ABCA13: variants seen among roughly 807,000 people sequenced by gnomAD.
ABCA13 encodes the protein ATP binding cassette subfamily A member 13.
Under a neutral mutation model 478.7 loss-of-function variants are expected in ABCA13, and 476 were observed. The ratio of observed to expected loss-of-function variants is 0.99; its 90% CI spans 0.92 to 1.07. ABCA13 has a LOEUF of 1.07. Among genes scored for constraint, ABCA13 ranks in the 50% least tolerant of loss-of-function variants. The pLI is 0.00. For synonymous variants in ABCA13, 2,252 were observed against 2,158.9 expected (o/e 1.04, Z -1.20); for missense variants, 6,060 against 5,910.6 (o/e 1.03, Z -0.83).
At chr7:48,406,611 G>T (rs1167850048) in intron 39 of ABCA13, among the ~76,000 whole-genome samples, 4 of 152,184 alleles carry the variant, frequency 2.6e-5, no homozygotes, top group Non-Finnish European at 4.4e-5. Flanking sequence ...GGTGGCTCAT[G>T]CCTATAATTC....
intron 55 of ABCA13, among the ~76,000 whole-genome samples, chr7:48,549,884 C>A (rs1268776780): frequency 1.3e-5 from 2 of 151,740 alleles, no homozygotes; most frequent in African/African-American, 4.8e-5. Context: ...CTGTTCATAT[C>A]CTTTGCCCAC....
intron 32 of ABCA13, among the ~76,000 whole-genome samples, chr7:48,370,971 G>A (rs964141099): frequency 2.6e-5 from 4 of 152,088 alleles, no homozygotes; most frequent in African/African-American, 4.8e-5. Flanking sequence ...TTTAAGGAAG[G>A]AGTCCAGTTT....
chr7:48,238,313 G>C (rs942856684), intron 8 of ABCA13, among the ~76,000 whole-genome samples: 1 of 152,114 alleles, frequency 6.6e-6, no homozygotes, highest in Non-Finnish European at 1.5e-5. Flanking sequence ...TTTTGGCGGG[G>C]AGGCCACAAG....
chr7:48,186,431 T>C (rs1796359461), intron 1 of ABCA13, among the ~76,000 whole-genome samples: 1 of 152,126 alleles, frequency 6.6e-6, no homozygotes, highest in African/African-American at 2.4e-5. Context: ...TGAGGTGATG[T>C]GTCCTTATTC....
chr7:48,335,609 TGTA>T (rs1806134969), intron 28 of ABCA13, 74 bp downstream of exon 28: 2 of 1,163,536 alleles, frequency 1.7e-6, no homozygotes, highest in Non-Finnish European at 2.5e-6. Flanking sequence ...AGGGCTGCCC[TGTA>T]GAAGATTCTA....
chr7:48,558,090 T>C (rs1170417405), intron 55 of ABCA13, among the ~76,000 whole-genome samples: 1 of 151,900 alleles, frequency 6.6e-6, no homozygotes, highest in Non-Finnish European at 1.5e-5. Context: ...GTTAAGAGGC[T>C]CTGATGCATT....
In ABCA13 at chr7:48,269,140, C is replaced by T. The variant is rs548775962; in HGVS notation, c.2120+46C>T. The T allele has an allele frequency of 4.1e-5, 45 of 1,097,754 alleles. No homozygotes were observed. The South Asian group carries it at 6.0e-4, about 15-fold the overall frequency. The allele number at this position is 1,097,754 out of a possible 1,614,324, so 68.0% of individuals were successfully genotyped here. On this transcript the variant is annotated intron_variant, in intron 16 of 61. Transcript: ENST00000435803. ...TTCTAGGTCTTGATTTAATTATCAT[C>T]TGAAGATAATCAAAACCTAATTATA...
intron 35 of ABCA13, among the ~76,000 whole-genome samples, chr7:48,382,306 C>T (rs1299327888): frequency 6.6e-6 from 1 of 152,170 alleles, no homozygotes; most frequent in South Asian, 2.1e-4. Flanking sequence ...TAGACCATGT[C>T]CCTCCCCTGC....
chr7:48,593,678 A>G (rs1789992944), intron 57 of ABCA13, among the ~76,000 whole-genome samples: 1 of 150,218 alleles, frequency 6.7e-6, no homozygotes, highest in South Asian at 2.1e-4. Context: ...TTTTTTTTTT[A>G]TAAGACAGGT....
chr7:48,510,877 T>G (rs548589438), intron 50 of ABCA13, among the ~76,000 whole-genome samples: 4 of 151,728 alleles, frequency 2.6e-5, no homozygotes, highest in Non-Finnish European at 5.9e-5. Flanking sequence ...CTTGAAATAC[T>G]GGGGGTTCAA....
At chr7:48,626,742 G>T in intron 59 of ABCA13, 1 of 985,618 alleles carries the variant, frequency 1.0e-6, no homozygotes. Context: ...GTGCCTTTGG[G>T]TTTGGGACAT....
chr7:48,410,652 G>T lies in ABCA13; in HGVS notation c.12203G>T (p.Gly4068Val), dbSNP rs1328352441. ...TGCCTGAAGGAGGCATATGGCCAGG[G>T]GCTCCGCCTGACACTCACGAGGCAG... ...PFCLKEAYGQGLRLTLTRQPS... is the reference protein window; with the variant it reads ...PFCLKEAYGQVLRLTLTRQPS... Residue 4068 changes from glycine (G) to valine (V), a missense_variant, in exon 40 of 62, where the codon GGG becomes GTG. Gly to Val is a moderately radical substitution (Grantham distance 109). Coordinates refer to ENST00000435803, the MANE Select transcript of ABCA13 (RefSeq NM_152701.5). 1.9e-6 allele frequency: 3 copies of T among 1,613,842 alleles called. No homozygotes were observed.
intron 1 of ABCA13, among the ~76,000 whole-genome samples, chr7:48,175,789 T>C (rs1794778246): frequency 6.6e-6 from 1 of 152,180 alleles, no homozygotes; most frequent in Non-Finnish European, 1.5e-5. Context: ...TCATTCCTCC[T>C]ATCTAGCTGT....
At chr7:48,391,426 T>C (rs1342292354) in intron 37 of ABCA13, among the ~76,000 whole-genome samples, 1 of 152,236 alleles carries the variant, frequency 6.6e-6, no homozygotes, top group East Asian at 1.9e-4. Context: ...AACCATAGTC[T>C]GAGGACTCAT....
At chr7:48,227,206 T>A in intron 5 of ABCA13, 56 bp from the exon 6 acceptor site, 2 of 1,592,900 alleles carry the variant, frequency 1.3e-6, no homozygotes. Context: ...CTGTCTCATT[T>A]ACTTTATTAA....
rs141590817 is a variant in ABCA13, at chr7:48,570,482, G to C, written c.14355-9742G>C. On this transcript the variant is annotated intron_variant, in intron 55 of 61. Transcript: ENST00000435803. ...TGGGACTACAGGCGCCTGCCACCAC[G>C]CCTGGCCAATTTTTTGTTTTTTAGT... 6.9e-3 allele frequency among the ~76,000 whole-genome samples: 1,051 copies of C among 151,580 alleles called. 13 individuals are homozygous for C. Among genetic ancestry groups the C allele is most frequent in the African/African-American group, 0.024 (1,005 of 41,322 alleles).
chr7:48,310,592 C>G (rs1192671338), intron 24 of ABCA13, among the ~76,000 whole-genome samples: 1 of 152,098 alleles, frequency 6.6e-6, no homozygotes. Context: ...TATCTGTCAG[C>G]GGGAAGCATC....
chr7:48,367,623 C>A (rs1254797630), intron 31 of ABCA13, among the ~76,000 whole-genome samples, 171 bp from the exon 32 acceptor site: 1 of 152,098 alleles, frequency 6.6e-6, no homozygotes, highest in Non-Finnish European at 1.5e-5. Flanking sequence ...ATTTGCATAC[C>A]TACAAAATCA....
At chr7:48,538,100 C>T (rs55856321) in intron 55 of ABCA13, among the ~76,000 whole-genome samples, 17,631 of 113,730 alleles carry the variant, frequency 0.16, 1,607 homozygotes, top group African/African-American at 0.27. Context: ...TCTTTCTTTC[C>T]TTTTTTTTTT....
Sources: allele counts gnomAD v4.1 joint callset (sites outside exome capture counted in the v4.1 genomes callset), GRCh38; gene constraint gnomAD v4.1.1; transcripts MANE v1.5; gene names NCBI Gene and HGNC (gene_info 2026-07-23, HGNC 2026-07-21).